The following RCBTB1 variants were observed in gnomAD, a reference collection of about 807,000 sequenced individuals.
RCBTB1 encodes the protein RCC1 and BTB domain containing protein 1, also known as RCC1 and BTB domain-containing protein 1.
Under a neutral mutation model 62.4 loss-of-function variants are expected in RCBTB1, and 46 were observed. That is an observed-to-expected ratio of 0.74 (90% CI 0.58 to 0.94). RCBTB1 has a LOEUF of 0.94. Ranked by LOEUF, RCBTB1 falls within the 40% of genes least tolerant of loss-of-function variation. The pLI, the probability that RCBTB1 is intolerant of heterozygous loss-of-function variation, is 0.00. For synonymous variants in RCBTB1, 222 were observed against 245.8 expected, an observed-to-expected ratio of 0.90 and a Z score of 0.91; for missense variants, 565 against 654.9, an observed-to-expected ratio of 0.86 and a Z score of 1.50.
chr13:49,551,454 GT>G lies in RCBTB1; in HGVS notation c.725del (p.Tyr242SerfsTer5). 6.2e-7 allele frequency: 1 copy of G among 1,614,060 alleles called. No homozygotes were observed. Among genetic ancestry groups the G allele is most frequent in the Middle Eastern group, 1.6e-4 (1 of 6,062 alleles). ...CATCTGTTAGTGCTAGAGTATGTGC[GT>G]AACCGCAGACAATCTGCAAGTAAAT... ...SVCVNQIVCG[Y>X]AHTLALTDEG... On this transcript the variant is annotated frameshift_variant, in exon 8 of 13. Coordinates refer to ENST00000378302, the MANE Select transcript of RCBTB1 (RefSeq NM_018191.4). LOFTEE classifies it high-confidence loss of function.
Position 49,541,837 on chromosome 13 carries a change from C to CA in RCBTB1, c.1173-11dup. The CA allele has an allele frequency of 6.3e-7, 1 of 1,590,986 alleles. No individual in the cohort carries two copies. The highest frequency in any genetic ancestry group is 1.2e-5 in the South Asian group (1 of 86,794). ...TCGAAAATGCTCACACCTAAAACAG[C>CA]AAAGCAAAAGTCTTATTTGTTCAGC... On this transcript the variant is annotated splice_polypyrimidine_tract_variant and intron_variant, in intron 10 of 12. Transcript: ENST00000378302.
intron 1 of RCBTB1, among the ~76,000 whole-genome samples, chr13:49,584,809 A>C (rs1964302057): frequency 6.6e-6 from 1 of 152,212 alleles, no homozygotes; most frequent in South Asian, 2.1e-4. Context: ...AAATAAAAAC[A>C]AAAGGCCACT....
At chr13:49,546,694 G>A (rs912012398) in intron 9 of RCBTB1, among the ~76,000 whole-genome samples, 2 of 152,144 alleles carry the variant, frequency 1.3e-5, no homozygotes, top group African/African-American at 4.8e-5. Flanking sequence ...TGTATCCCTC[G>A]CATGTGCAGT....
In RCBTB1 at chr13:49,578,598, C is replaced by G. The variant is rs567824120; in HGVS notation, c.-42+1907G>C. ...GGAATAATTAAGGAAATGAATGTAT[C>G]ATGCAAGTATATGGTCCATGTGACA... is the stretch of plus-strand genomic sequence containing the variant. On this transcript the variant is annotated intron_variant, in intron 2 of 12. Coordinates refer to ENST00000378302, the MANE Select transcript of RCBTB1 (RefSeq NM_018191.4). Among the ~76,000 whole-genome samples the G allele has an allele frequency of 2.0e-4, 30 of 152,300 alleles. 1 individual carries two copies. The South Asian group carries it at 6.0e-3, about 31-fold the overall frequency.
At chr13:49,564,377 G>C (rs796874148) in intron 4 of RCBTB1, among the ~76,000 whole-genome samples, 19 of 152,000 alleles carry the variant, frequency 1.3e-4, no homozygotes, top group African/African-American at 4.6e-4. Context: ...ACGAGGTCAG[G>C]AGTTCCAGAC....
chr13:49,545,181 A>C (rs1960698206), intron 9 of RCBTB1, among the ~76,000 whole-genome samples: 2 of 152,138 alleles, frequency 1.3e-5, no homozygotes. Context: ...CCCCCTCTCA[A>C]AACGAGTGGT....
At chr13:49,575,214 A>T (rs1234878390) in intron 2 of RCBTB1, among the ~76,000 whole-genome samples, 1 of 152,234 alleles carries the variant, frequency 6.6e-6, no homozygotes, top group Non-Finnish European at 1.5e-5. Context: ...ATACTATCTC[A>T]CACCAGTCAG....
In RCBTB1 at chr13:49,557,797, C is replaced by T. The variant is rs143362251; in HGVS notation, c.444+2121G>A. Among the ~76,000 whole-genome samples the T allele has an allele frequency of 2.2e-3, 337 of 152,120 alleles. 3 individuals carry two copies. The highest frequency in any genetic ancestry group is 7.7e-3 in the African/African-American group (318 of 41,496). ...TTTTTAAAAGAATGAATTCTACTGCCATCAAAAGTGTAATCTTGATTATAC... is the reference window on the plus strand; with the variant it reads ...TTTTTAAAAGAATGAATTCTACTGCTATCAAAAGTGTAATCTTGATTATAC... On this transcript the variant is annotated intron_variant, in intron 5 of 12. Transcript: ENST00000378302.
At chr13:49,583,543 A>C (rs558437957) in intron 1 of RCBTB1, among the ~76,000 whole-genome samples, 1 of 151,974 alleles carries the variant, frequency 6.6e-6, no homozygotes, top group Admixed American at 6.6e-5. Flanking sequence ...CAGCACGTAC[A>C]CAACATGTAC....
intron 6 of RCBTB1, 118 bp downstream of exon 6, chr13:49,555,397 T>G: frequency 3.5e-6 from 3 of 856,888 alleles, no homozygotes; most frequent in South Asian, 1.6e-5. Context: ...TAACTTTCAA[T>G]GGAGCTACCA....
chr13:49,542,439 C>T (rs1009935393), intron 10 of RCBTB1, among the ~76,000 whole-genome samples: 1 of 151,962 alleles, frequency 6.6e-6, no homozygotes, highest in African/African-American at 2.4e-5. Context: ...TTTGATGGTC[C>T]CCAAGATTTT....
chr13:49,559,034 T>C (rs905889418), intron 5 of RCBTB1, among the ~76,000 whole-genome samples: 1 of 152,248 alleles, frequency 6.6e-6, no homozygotes, highest in Non-Finnish European at 1.5e-5. Flanking sequence ...AGTTTGGTGA[T>C]GTCTTTGTGA....
chr13:49,566,180 T>C (rs1962985839), intron 4 of RCBTB1, among the ~76,000 whole-genome samples: 1 of 151,272 alleles, frequency 6.6e-6, no homozygotes, highest in Admixed American at 6.6e-5. Flanking sequence ...CACTTGTTTA[T>C]CTGCTGACCT....
chr13:49,549,390 G>C (rs1294644174), intron 9 of RCBTB1, 68 bp downstream of exon 9: 2 of 1,460,728 alleles, frequency 1.4e-6, no homozygotes, highest in Non-Finnish European at 1.9e-6. Context: ...AACCAGCAAA[G>C]ACACAGGAAA....
intron 2 of RCBTB1, among the ~76,000 whole-genome samples, chr13:49,576,462 T>C (rs1963794919): frequency 6.6e-6 from 1 of 152,184 alleles, no homozygotes; most frequent in African/African-American, 2.4e-5. Context: ...AAAATGTGTT[T>C]GGAAAAGTAA....
In RCBTB1 at chr13:49,567,243, G is replaced by C. The variant is rs1963088781; in HGVS notation, c.37C>G (p.Leu13Val). ...ATAGACGCGATCTCTTGAGGGGAGA[G>C]TAGAGTGAAGATGGGCCACTTTCCG... ...DVGKWPIFTL[L>V]SPQEIASIRK... The change falls in exon 3 of 13, where the codon CTC becomes GTC. Residue 13 changes from leucine to valine, a missense_variant. Coordinates refer to ENST00000378302, the MANE Select transcript of RCBTB1 (RefSeq NM_018191.4). 6.2e-7 allele frequency: 1 copy of C among 1,614,026 alleles called. No individual in the cohort carries two copies.
chr13:49,549,990 CT>C (rs60231483), intron 8 of RCBTB1: 951 of 757,262 alleles, frequency 1.3e-3, no homozygotes, highest in Non-Finnish European at 1.4e-3. Context: ...AATACCATTT[CT>C]TTTTTTTTTC....
At position 49,567,174 on chromosome 13, in the gene RCBTB1, ACAGTGCTTCACTGG is replaced by A. The variant is rs1346037124; in HGVS notation, c.92_105del (p.Ala31ValfsTer4). The stretch of plus-strand genomic sequence containing the variant: ...CTTACCTCATCATTGTCAGTAACGT[ACAGTGCTTCACTGG>A]CTGAGGTGCCGAAGACACACGCCTT... On this transcript the variant is annotated frameshift_variant, in exon 3 of 13. Transcript: ENST00000378302. LOFTEE classifies it high-confidence loss of function. 6.2e-6 allele frequency: 10 copies of A among 1,613,990 alleles called. No individual in the cohort carries two copies. The highest frequency in any genetic ancestry group is 8.5e-6 in the Non-Finnish European group (10 of 1,179,996).
chr13:49,572,572 G>C (rs1024786630), intron 2 of RCBTB1, among the ~76,000 whole-genome samples: 1 of 152,210 alleles, frequency 6.6e-6, no homozygotes, highest in South Asian at 2.1e-4. Flanking sequence ...GGAGGCTGAG[G>C]CAGGCAGATC....
Sources: gnomAD v4.1 joint callset for allele counts (sites outside exome capture counted in the v4.1 genomes callset) on GRCh38, gnomAD v4.1.1 for gene constraint, MANE v1.5 for transcripts, NCBI Gene and HGNC (gene_info 2026-07-23, HGNC 2026-07-21) for gene names.